SLC35F3: variants seen among roughly 807,000 people sequenced by gnomAD.
SLC35F3 encodes solute carrier family 35 member F3.
A neutral mutation model predicts 49.9 loss-of-function variants in SLC35F3; 25 were observed. The ratio of observed to expected loss-of-function variants is 0.50; its 90% CI spans 0.37 to 0.70. The LOEUF (loss-of-function observed/expected upper bound fraction) is 0.70, where lower values mean the gene tolerates loss of function less well. SLC35F3 is among the 30% of genes least tolerant of loss of function. The probability of loss-of-function intolerance (pLI) is 0.00; values close to 1 mark genes in which losing one functional copy is unlikely to be tolerated. For missense variants in SLC35F3, 525 were observed against 639.8 expected (o/e 0.82, Z 1.94); for synonymous variants, 275 against 265.4 (o/e 1.04, Z -0.35).
intron 2 of SLC35F3, among the ~76,000 whole-genome samples, chr1:234,200,485 C>G (rs1386248213): frequency 6.6e-6 from 1 of 152,190 alleles, no homozygotes; most frequent in Non-Finnish European, 1.5e-5. Flanking sequence ...GCCTTCCTTT[C>G]TGACAAAACT....
chr1:234,051,016 T>G (rs762827691), intron 2 of SLC35F3, among the ~76,000 whole-genome samples: 1 of 152,226 alleles, frequency 6.6e-6, no homozygotes, highest in African/African-American at 2.4e-5. Flanking sequence ...TTGGTACTAG[T>G]GCCATGTTGT....
rs1668135268 is a variant in SLC35F3 at position 234,273,100 on chromosome 1, C to T, written c.609-36001C>T. ...ATGTGTGCATTATGTCATCATCTGA[C>T]ACCTGCTGCATTCAGGGAATTGCCA... On this transcript the variant is annotated intron_variant, in intron 3 of 7. Coordinates refer to ENST00000366618, the MANE Select transcript of SLC35F3 (RefSeq NM_173508.4). Among the ~76,000 whole-genome samples the T allele has an allele frequency of 5.3e-5, 8 of 152,266 alleles. No individual in the cohort carries two copies. In the South Asian group the frequency reaches 1.7e-3, roughly 31 times the overall value.
At chr1:234,059,051 G>C (rs894497647) in intron 2 of SLC35F3, among the ~76,000 whole-genome samples, 1 of 151,988 alleles carries the variant, frequency 6.6e-6, no homozygotes, top group Admixed American at 6.6e-5. Flanking sequence ...AATCATTTGA[G>C]TTTTCTCTTT....
chr1:233,929,672 C>T (rs1662211907), intron 2 of SLC35F3, among the ~76,000 whole-genome samples: 1 of 152,154 alleles, frequency 6.6e-6, no homozygotes, highest in African/African-American at 2.4e-5. Context: ...GGAATGACCA[C>T]TTGGATTTCT....
chr1:234,302,606 G>A (rs1438200942), intron 3 of SLC35F3, among the ~76,000 whole-genome samples: 1 of 152,186 alleles, frequency 6.6e-6, no homozygotes, highest in East Asian at 1.9e-4. Context: ...TTTAAATGGT[G>A]ATGAAATGGG....
chr1:234,214,309 C>A lies in SLC35F3; in HGVS notation c.284-17108C>A. On this transcript the variant is annotated intron_variant, in intron 2 of 7. Coordinates refer to ENST00000366618, the MANE Select transcript of SLC35F3 (RefSeq NM_173508.4). The surrounding 1 kb of genome is among the most constrained non-coding windows in gnomAD (Gnocchi z 8.0). Reference sequence around the variant, plus strand: ...GGGAGGATGTGCGCTGCAGGGCGGCCGCCGCAGTGAGCAACGCGGCAACCG... The same window carrying A: ...GGGAGGATGTGCGCTGCAGGGCGGCAGCCGCAGTGAGCAACGCGGCAACCG... The A allele has an allele frequency of 7.7e-7, 1 of 1,298,572 alleles. No individual in the cohort carries two copies. The highest frequency in any genetic ancestry group is 9.7e-7 in the Non-Finnish European group (1 of 1,026,980). The allele number at this position is 1,298,572 out of a possible 1,614,324, so 80.4% of individuals were successfully genotyped here. A position where few individuals can be genotyped will look rare whatever the true frequency, so the allele number is the denominator to read the frequency against.
At chr1:234,132,642 A>T (rs773230627) in intron 2 of SLC35F3, among the ~76,000 whole-genome samples, 6 of 152,144 alleles carry the variant, frequency 3.9e-5, no homozygotes, top group Non-Finnish European at 7.4e-5. Context: ...CATATTTTTT[A>T]ATTTATGGAT....
At chr1:234,229,405 T>C (rs1667334188) in intron 2 of SLC35F3, among the ~76,000 whole-genome samples, 1 of 152,242 alleles carries the variant, frequency 6.6e-6, no homozygotes, top group African/African-American at 2.4e-5. Flanking sequence ...GAGAACAACT[T>C]CTTTAATCCA....
chr1:234,021,898 T>C (rs1328884605), intron 2 of SLC35F3, among the ~76,000 whole-genome samples: 3 of 152,186 alleles, frequency 2.0e-5, no homozygotes, highest in Non-Finnish European at 4.4e-5. Context: ...AGCCTGAGAT[T>C]TGTACAGTCC....
At chr1:234,019,539 G>A (rs1389883220) in intron 2 of SLC35F3, among the ~76,000 whole-genome samples, 2 of 152,186 alleles carry the variant, frequency 1.3e-5, no homozygotes, top group East Asian at 1.9e-4. Context: ...CTTCCTTTGG[G>A]GACCTCAGGG....
chr1:234,311,295 CT>C (rs1157304004), intron 4 of SLC35F3, among the ~76,000 whole-genome samples: 10 of 152,210 alleles, frequency 6.6e-5, no homozygotes, highest in Non-Finnish European at 1.3e-4. Context: ...AGAGATTCTC[CT>C]TGATAAACAG....
At chr1:233,970,063 C>T (rs1474007045) in intron 2 of SLC35F3, among the ~76,000 whole-genome samples, 1 of 152,170 alleles carries the variant, frequency 6.6e-6, no homozygotes, top group Non-Finnish European at 1.5e-5. Flanking sequence ...TGCTACCTCT[C>T]AGCAATGCAA....
At chr1:234,238,936 T>C (rs12141747) in intron 3 of SLC35F3, among the ~76,000 whole-genome samples, 57,126 of 152,102 alleles carry the variant, frequency 0.38, 11,308 homozygotes, top group Non-Finnish European at 0.42. Context: ...TATTCAGCTA[T>C]AGCAATGTTA....
chr1:234,020,914 C>T (rs1663884270), intron 2 of SLC35F3, among the ~76,000 whole-genome samples: 1 of 152,184 alleles, frequency 6.6e-6, no homozygotes, highest in South Asian at 2.1e-4. Context: ...CCAGAGCATT[C>T]AATTGCTACT....
At chr1:234,052,966 C>A (rs1345023864) in intron 2 of SLC35F3, among the ~76,000 whole-genome samples, 5 of 152,296 alleles carry the variant, frequency 3.3e-5, no homozygotes, top group Non-Finnish European at 7.3e-5. Flanking sequence ...GTTTCTTAAT[C>A]CTGAGTTCTA....
At chr1:234,267,073 G>C (rs2102971452) in intron 3 of SLC35F3, among the ~76,000 whole-genome samples, 1 of 142,120 alleles carries the variant, frequency 7.0e-6, no homozygotes, top group African/African-American at 2.7e-5. Context: ...AGGGAGTGGT[G>C]ATGACTCTTA....
intron 4 of SLC35F3, among the ~76,000 whole-genome samples, chr1:234,312,941 A>C (rs930768545): frequency 1.3e-5 from 2 of 151,952 alleles, no homozygotes; most frequent in Non-Finnish European, 2.9e-5. Context: ...CAGTGGTGCT[A>C]TCATAGCTCA....
intron 2 of SLC35F3, among the ~76,000 whole-genome samples, chr1:233,925,004 G>T (rs1662132733): frequency 6.6e-6 from 1 of 152,164 alleles, no homozygotes; most frequent in African/African-American, 2.4e-5. Flanking sequence ...GAGACAGTTT[G>T]TTATAATTTC....
chr1:234,039,708 A>T (rs1280265636), intron 2 of SLC35F3, among the ~76,000 whole-genome samples: 1 of 152,174 alleles, frequency 6.6e-6, no homozygotes, highest in Non-Finnish European at 1.5e-5. Context: ...CCATTTACTC[A>T]GCCTGCCATG....
Sources: allele counts gnomAD v4.1 joint callset (sites outside exome capture counted in the v4.1 genomes callset), GRCh38; gene constraint gnomAD v4.1.1; non-coding constraint Gnocchi (gnomAD v3.1); transcripts MANE v1.5; gene names NCBI Gene and HGNC (gene_info 2026-07-23, HGNC 2026-07-21).